Variants in NME7 observed in about 807,000 individuals in gnomAD.
NME7 encodes the protein NME/NM23 family member 7, also known as nucleoside diphosphate kinase 7.
In NME7, 41 loss-of-function variants were observed where a neutral mutation model predicts 49.1. That is an observed-to-expected ratio of 0.83 (90% confidence interval 0.65 to 1.08). The LOEUF (loss-of-function observed/expected upper bound fraction) is 1.08. NME7 is among the 50% of genes least tolerant of loss of function. The pLI is 0.00. For missense variants in NME7, 423 were observed against 463.4 expected (o/e 0.91, Z 0.80); for synonymous variants, 139 against 150.6 (o/e 0.92, Z 0.56).
chr1:169,243,603 T>C (rs764158789), intron 7 of NME7, among the ~76,000 whole-genome samples: 15 of 152,172 alleles, frequency 9.9e-5, no homozygotes, highest in Non-Finnish European at 1.8e-4. Flanking sequence ...TTAGTGCCCT[T>C]ATAAAAGAAG....
intron 3 of NME7, among the ~76,000 whole-genome samples, chr1:169,311,416 CAAAAAAAAA>C (rs34576386): frequency 1.9e-3 from 155 of 83,612 alleles, no homozygotes; most frequent in Non-Finnish European, 2.9e-3. Context: ...GACTCCATCT[CAAAAAAAAA>C]AAAAAAAAAA....
intron 7 of NME7, among the ~76,000 whole-genome samples, chr1:169,241,762 T>C (rs1257493421): frequency 6.6e-6 from 1 of 151,856 alleles, no homozygotes; most frequent in African/African-American, 2.4e-5. Flanking sequence ...TTTAATTGCA[T>C]AGAAAAAAAT....
chr1:169,212,586 T>A (rs1660857454), intron 10 of NME7, among the ~76,000 whole-genome samples: 3 of 147,300 alleles, frequency 2.0e-5, no homozygotes, highest in African/African-American at 7.4e-5. Flanking sequence ...CTTCACACTT[T>A]AAAACAAATG....
At chr1:169,341,283 G>A (rs1454745060) in intron 1 of NME7, among the ~76,000 whole-genome samples, 4 of 152,200 alleles carry the variant, frequency 2.6e-5, no homozygotes, top group Non-Finnish European at 5.9e-5. Context: ...TTTAAAGGGT[G>A]CAAGCCCCAA....
chr1:169,247,417 T>C (rs995213686), intron 7 of NME7, among the ~76,000 whole-genome samples: 6 of 152,196 alleles, frequency 3.9e-5, no homozygotes, highest in Admixed American at 6.5e-5. Context: ...CAAATCCATG[T>C]TTCTAGGAGA....
At chr1:169,311,416 C>CAAAAAAAA (rs34576386) in intron 3 of NME7, among the ~76,000 whole-genome samples, 3 of 83,644 alleles carry the variant, frequency 3.6e-5, no homozygotes, top group Non-Finnish European at 4.5e-5. Flanking sequence ...GACTCCATCT[C>CAAAAAAAA]AAAAAAAAAA....
chr1:169,157,092 G>A (rs1172049406), intron 11 of NME7, among the ~76,000 whole-genome samples: 1 of 152,184 alleles, frequency 6.6e-6, no homozygotes, highest in Non-Finnish European at 1.5e-5. Flanking sequence ...GGATGCTGCA[G>A]TGGACTTTTC....
chr1:169,303,425 C>A, intron 4 of NME7: 6 of 172,452 alleles, frequency 3.5e-5, no homozygotes, highest in East Asian at 1.4e-4. Context: ...GTTTACTTTT[C>A]TACTTATGTT....
intron 7 of NME7, among the ~76,000 whole-genome samples, chr1:169,280,745 G>T (rs866621737): frequency 6.8e-6 from 1 of 147,876 alleles, no homozygotes; most frequent in Middle Eastern, 3.4e-3. Context: ...TGTCAGGTTT[G>T]TCAAAGATCA....
intron 10 of NME7, among the ~76,000 whole-genome samples, chr1:169,221,086 A>G (rs981990500): frequency 1.3e-5 from 2 of 151,966 alleles, no homozygotes; most frequent in African/African-American, 4.8e-5. Flanking sequence ...CCCTTTTTCT[A>G]TTTCATCAAT....
chr1:169,225,064 G>A (rs867658452), intron 10 of NME7, among the ~76,000 whole-genome samples: 2 of 152,088 alleles, frequency 1.3e-5, no homozygotes, highest in African/African-American at 4.8e-5. Context: ...AAAGAAGAAA[G>A]ACACTGGTTT....
intron 10 of NME7, among the ~76,000 whole-genome samples, chr1:169,215,360 T>A (rs12408636): frequency 0.083 from 12,588 of 152,116 alleles, 707 homozygotes; most frequent in Admixed American, 0.19. Flanking sequence ...ATTCAATTTG[T>A]AAAAAGACAT....
intron 7 of NME7, among the ~76,000 whole-genome samples, chr1:169,257,406 C>T (rs1402497145): frequency 1.5e-5 from 2 of 134,736 alleles, no homozygotes; most frequent in Non-Finnish European, 3.5e-5. Context: ...TGAGGCAATG[C>T]CTCGCCCTGC....
At chr1:169,194,004 GGC>G (rs1660305200) in intron 10 of NME7, among the ~76,000 whole-genome samples, 1 of 152,008 alleles carries the variant, frequency 6.6e-6, no homozygotes, top group East Asian at 1.9e-4. Flanking sequence ...GGAACTGAAA[GGC>G]ACTTTTTATG....
chr1:169,184,246 C>G (rs773714409), intron 10 of NME7, among the ~76,000 whole-genome samples: 2 of 151,960 alleles, frequency 1.3e-5, no homozygotes, highest in Non-Finnish European at 2.9e-5. Context: ...TATAAAAATG[C>G]AATTTTCTCT....
chr1:169,224,528 A>G (rs1033891452), intron 10 of NME7, among the ~76,000 whole-genome samples: 2 of 152,142 alleles, frequency 1.3e-5, no homozygotes, highest in African/African-American at 2.4e-5. Flanking sequence ...ATACATATAT[A>G]CACACATTTA....
Position 169,355,333 on chromosome 1 carries a change from TGTATATTATATTATATA to T in NME7, c.3+12358_3+12374del, listed in dbSNP as rs2101983338. Among the ~76,000 whole-genome samples, 4 of 102,160 alleles carry T rather than the reference TGTATATTATATTATATA, an allele frequency of 3.9e-5. No homozygotes were observed. In the South Asian group the frequency reaches 1.1e-3, roughly 27 times the overall value. 67.0% of individuals were successfully genotyped at this position (102,160 alleles called of 152,430 possible). A position where few individuals can be genotyped will look rare whatever the true frequency, so the allele number is the denominator to read the frequency against. ...ATATTGTATATTATATATAATATAT[TGTATATTATATTATATA>T]TATTAAATATATATTATACACACAC... On this transcript the variant is annotated intron_variant, in intron 1 of 11. Coordinates refer to ENST00000367811, the MANE Select transcript of NME7 (RefSeq NM_013330.5).
chr1:169,348,025 T>C (rs1400292959), intron 1 of NME7, among the ~76,000 whole-genome samples: 5 of 152,206 alleles, frequency 3.3e-5, no homozygotes, highest in Non-Finnish European at 5.9e-5. Flanking sequence ...CTGATTCTGA[T>C]AGCATTTTCA....
At chr1:169,319,033 AT>A (rs1403804713) in intron 3 of NME7, among the ~76,000 whole-genome samples, 14 of 57,298 alleles carry the variant, frequency 2.4e-4, no homozygotes, top group Middle Eastern at 7.6e-3. Context: ...ATTTAATTTA[AT>A]TTTAATTTTA....
Sources: gnomAD v4.1 joint callset for allele counts (sites outside exome capture counted in the v4.1 genomes callset) on GRCh38, gnomAD v4.1.1 for gene constraint, MANE v1.5 for transcripts, NCBI Gene and HGNC (gene_info 2026-07-23, HGNC 2026-07-21) for gene names.